RNFT2: variants seen among roughly 807,000 people sequenced by gnomAD.
RNFT2 encodes the protein ring finger protein, transmembrane 2.
Under a neutral mutation model 53.0 loss-of-function variants are expected in RNFT2, and 36 were observed. The ratio of observed to expected loss-of-function variants is 0.68; its 90% CI spans 0.52 to 0.90. The LOEUF (loss-of-function observed/expected upper bound fraction) is 0.90, where lower values mean the gene tolerates loss of function less well. Ranked by LOEUF, RNFT2 falls within the 40% of genes least tolerant of loss-of-function variation. RNFT2 has a pLI of 0.00. For missense variants in RNFT2, 514 were observed against 585.6 expected (o/e 0.88, Z 1.26); for synonymous variants, 260 against 253.2 (o/e 1.03, Z -0.26).
intron 1 of RNFT2, among the ~76,000 whole-genome samples, chr12:116,739,396 A>C (rs1871486822): frequency 6.6e-6 from 1 of 152,244 alleles, no homozygotes; most frequent in Non-Finnish European, 1.5e-5. Flanking sequence ...GCTGAGGCAG[A>C]GGGGTGATCC....
At chr12:116,832,830 C>T (rs1592985733) in intron 7 of RNFT2, among the ~76,000 whole-genome samples, 1 of 150,480 alleles carries the variant, frequency 6.6e-6, no homozygotes, top group East Asian at 2.0e-4. Flanking sequence ...GATGGGGAAA[C>T]TAAGGGTCAT....
At chr12:116,750,811 T>TATATATATTATATATATATATA (rs1566069274) in intron 4 of RNFT2, among the ~76,000 whole-genome samples, 9 of 5,228 alleles carry the variant, frequency 1.7e-3, no homozygotes, top group African/African-American at 2.3e-3. Flanking sequence ...ATATATATAA[T>TATATATATTATATATATATATA]ATATATATTA....
intron 10 of RNFT2, among the ~76,000 whole-genome samples, chr12:116,837,066 A>G (rs1048917520): frequency 6.6e-6 from 1 of 152,208 alleles, no homozygotes; most frequent in Non-Finnish European, 1.5e-5. Flanking sequence ...TGTCATCTGT[A>G]TAATTATTAT....
chr12:116,849,284 C>A (rs1015220544), intron 10 of RNFT2, 30 bp from the exon 11 acceptor site: 4 of 1,510,826 alleles, frequency 2.6e-6, no homozygotes, highest in Non-Finnish European at 3.6e-6. Flanking sequence ...AGTAAAGAGT[C>A]CTGGTGCCTG....
chr12:116,761,089 C>T (rs371166283), intron 5 of RNFT2, among the ~76,000 whole-genome samples: 3 of 152,170 alleles, frequency 2.0e-5, no homozygotes, highest in African/African-American at 4.8e-5. Context: ...ATCTCCTCCA[C>T]GTACACCTAG....
At chr12:116,755,342 A>AT (rs1038015150) in intron 5 of RNFT2, 517 of 650,220 alleles carry the variant, frequency 8.0e-4, no homozygotes, top group Middle Eastern at 1.2e-3. Flanking sequence ...CTATGTCCCT[A>AT]TTTTTTTTTA....
intron 7 of RNFT2, among the ~76,000 whole-genome samples, chr12:116,803,919 C>T (rs1874926264): frequency 6.6e-6 from 1 of 152,312 alleles, no homozygotes; most frequent in Non-Finnish European, 1.5e-5. Flanking sequence ...CTTTCCTTGG[C>T]TAGGACCCAG....
At chr12:116,809,566 G>A (rs553320614) in intron 7 of RNFT2, among the ~76,000 whole-genome samples, 106 of 152,314 alleles carry the variant, frequency 7.0e-4, no homozygotes, top group Middle Eastern at 3.4e-3. Flanking sequence ...TGGGAGCCAT[G>A]CCAAGATGGT....
intron 7 of RNFT2, among the ~76,000 whole-genome samples, chr12:116,816,360 C>T (rs1216098183): frequency 6.6e-6 from 1 of 152,164 alleles, no homozygotes; most frequent in South Asian, 2.1e-4. Flanking sequence ...GATTTTTACT[C>T]ACAGCCCAGC....
chr12:116,764,863 G>T (rs930828636), intron 5 of RNFT2, among the ~76,000 whole-genome samples: 1 of 152,206 alleles, frequency 6.6e-6, no homozygotes, highest in Non-Finnish European at 1.5e-5. Flanking sequence ...CTACACTCCA[G>T]CCTGGGCAAC....
intron 4 of RNFT2, among the ~76,000 whole-genome samples, chr12:116,753,498 A>G (rs1872353162): frequency 6.6e-6 from 1 of 152,170 alleles, no homozygotes; most frequent in African/African-American, 2.4e-5. Context: ...ATCTGATTCT[A>G]TCAATCAGAT....
chr12:116,849,620 C>T lies in RNFT2; in HGVS notation c.*172C>T, dbSNP rs758398786. 414 of 1,392,164 alleles carry T rather than the reference C, an allele frequency of 3.0e-4. No homozygotes were observed. The highest frequency in any genetic ancestry group is 3.6e-4 in the Non-Finnish European group (388 of 1,071,590). 86.2% of individuals were successfully genotyped at this position (1,392,164 alleles called of 1,614,324 possible). ...TCTTGTCCTTCTGACCTTCATCTTC[C>T]TCTCTCGTTCTGTGGTATAGTGCGT... On this transcript the variant is annotated 3_prime_UTR_variant, in exon 11 of 11. Transcript: ENST00000257575.
rs577402218 is a variant in RNFT2, at chr12:116,796,681, C to T, written c.882+17333C>T. On this transcript the variant is annotated intron_variant, in intron 7 of 10. Coordinates refer to ENST00000257575, the MANE Select transcript of RNFT2 (RefSeq NM_001382266.1). The stretch of plus-strand genomic sequence containing the variant: ...CAAAGTGGTTTCCCATTGTTGGAGG[C>T]ATCTTCGCTCCTGGAGGTCATACCT... Among the ~76,000 whole-genome samples, 165 of 152,348 alleles carry T rather than the reference C, an allele frequency of 1.1e-3. 2 individuals are homozygous for T. The South Asian group carries it at 0.014, about 13-fold the overall frequency.
chr12:116,783,773 C>G (rs1350519238), intron 7 of RNFT2, among the ~76,000 whole-genome samples: 2 of 152,252 alleles, frequency 1.3e-5, no homozygotes, highest in African/African-American at 4.8e-5. Context: ...AGGAGCAAGA[C>G]AGGCGGAGCC....
intron 7 of RNFT2, among the ~76,000 whole-genome samples, chr12:116,806,782 AAGCATTTGATTTTTCTCCTTT>A: frequency 6.6e-6 from 1 of 152,026 alleles, no homozygotes. Flanking sequence ...TTTGATCAAA[AAGCATTTGATTTTTCTCCTTT>A]CATCTGTTGC....
Position 116,806,381 on chromosome 12 carries a change from A to AAT in RNFT2, c.882+27051_882+27052dup, listed in dbSNP as rs1250359544. Among the ~76,000 whole-genome samples, 135 of 133,472 alleles carry AAT rather than the reference A, an allele frequency of 1.0e-3. 1 individual carries two copies. Among genetic ancestry groups the AAT allele is most frequent in the South Asian group, 2.3e-3 (10 of 4,264 alleles). The allele number at this position is 133,472 out of a possible 152,430, so 87.6% of individuals were successfully genotyped here. A position where few individuals can be genotyped will look rare whatever the true frequency, so the allele number is the denominator to read the frequency against. On this transcript the variant is annotated intron_variant, in intron 7 of 10. Transcript: ENST00000257575. ...TGAGACTGTCTCAAAAAAAAAAAAA[A>AAT]ATATATATATATATATATAGATAGA...
intron 6 of RNFT2, among the ~76,000 whole-genome samples, chr12:116,772,390 T>C (rs369086225): frequency 9.2e-5 from 14 of 152,362 alleles, no homozygotes; most frequent in African/African-American, 3.4e-4. Context: ...CACTGCAACC[T>C]CCAGCTCCCT....
At chr12:116,762,403 C>CA (rs71095592) in intron 5 of RNFT2, among the ~76,000 whole-genome samples, 114,917 of 139,776 alleles carry the variant, frequency 0.82, 47,929 homozygotes, top group Non-Finnish European at 0.92. Context: ...CATCTCAAAA[C>CA]AAAAAAAAAA....
At chr12:116,746,847 C>T (rs758932618) in intron 3 of RNFT2, among the ~76,000 whole-genome samples, 1 of 152,064 alleles carries the variant, frequency 6.6e-6, no homozygotes, top group African/African-American at 2.4e-5. Context: ...TTAGTGGGAT[C>T]GTGAAATAAT....
Sources: gnomAD v4.1 joint callset for allele counts (sites outside exome capture counted in the v4.1 genomes callset) on GRCh38, gnomAD v4.1.1 for gene constraint, MANE v1.5 for transcripts, NCBI Gene and HGNC (gene_info 2026-07-23, HGNC 2026-07-21) for gene names.